KIAA1328: variants seen among roughly 807,000 people sequenced by gnomAD.
KIAA1328 encodes the protein protein hinderin.
KIAA1328 carries 52 observed loss-of-function variants against 68.1 expected under a neutral mutation model. The ratio of observed to expected loss-of-function variants is 0.76; its 90% CI spans 0.61 to 0.96. The LOEUF (loss-of-function observed/expected upper bound fraction) is 0.96, where lower values mean the gene tolerates loss of function less well. KIAA1328 is among the 40% of genes least tolerant of loss of function. KIAA1328 has a pLI of 0.00. For synonymous variants in KIAA1328, 232 were observed against 239.4 expected (o/e 0.97, Z 0.28); for missense variants, 641 against 677.6 (o/e 0.95, Z 0.60).
At chr18:36,863,857 T>C (rs982127751) in intron 4 of KIAA1328, among the ~76,000 whole-genome samples, 1 of 152,236 alleles carries the variant, frequency 6.6e-6, no homozygotes, top group Non-Finnish European at 1.5e-5. Context: ...TCTGTTGATA[T>C]TGACTCCTGC....
intron 4 of KIAA1328, among the ~76,000 whole-genome samples, chr18:36,847,212 A>G (rs1317921552): frequency 1.3e-5 from 2 of 151,486 alleles, no homozygotes; most frequent in African/African-American, 2.4e-5. Context: ...CCTTTTATGA[A>G]TGAAGCTTCC....
intron 6 of KIAA1328, among the ~76,000 whole-genome samples, chr18:36,992,479 T>C (rs1429641782): frequency 1.4e-5 from 2 of 146,758 alleles, no homozygotes; most frequent in Admixed American, 1.3e-4. Context: ...TTTTTTTTGC[T>C]ATATGTGGCC....
chr18:36,930,278 C>T (rs1453785176), intron 5 of KIAA1328, among the ~76,000 whole-genome samples: 1 of 151,986 alleles, frequency 6.6e-6, no homozygotes, highest in African/African-American at 2.4e-5. Context: ...GCATTCTGTC[C>T]TGTCTCTCTC....
intron 7 of KIAA1328, chr18:37,084,469 G>GTTT: frequency 2.6e-5 from 4 of 151,512 alleles, no homozygotes; most frequent in Admixed American, 7.9e-5. Flanking sequence ...TTTCTTTTTT[G>GTTT]TTTTTTGTTT....
At chr18:36,919,524 A>G (rs547742954) in intron 5 of KIAA1328, among the ~76,000 whole-genome samples, 3 of 152,288 alleles carry the variant, frequency 2.0e-5, no homozygotes, top group African/African-American at 7.2e-5. Context: ...TGCGAGGAAC[A>G]TAGAGTGTTG....
Position 37,223,835 on chromosome 18 carries a change from T to C in KIAA1328, c.*1608T>C. ...GCCTTCTTTCACTTGGGGTTTTTTATTCTTTGGAGTAGAAAAGAATGGAGC... is the reference window on the plus strand; with the variant it reads ...GCCTTCTTTCACTTGGGGTTTTTTACTCTTTGGAGTAGAAAAGAATGGAGC... On this transcript the variant is annotated 3_prime_UTR_variant, in exon 10 of 10. Coordinates refer to ENST00000280020, the MANE Select transcript of KIAA1328 (RefSeq NM_020776.3). The C allele has an allele frequency of 2.0e-6, 2 of 985,176 alleles. No homozygotes were observed. The highest frequency in any genetic ancestry group is 2.4e-6 in the Non-Finnish European group (2 of 829,686). 61.0% of individuals were successfully genotyped at this position (985,176 alleles called of 1,614,324 possible). A position where few individuals can be genotyped will look rare whatever the true frequency, so the allele number is the denominator to read the frequency against.
intron 6 of KIAA1328, among the ~76,000 whole-genome samples, chr18:36,982,315 C>G (rs1234820798): frequency 1.3e-5 from 2 of 150,812 alleles, no homozygotes; most frequent in Non-Finnish European, 3.0e-5. Context: ...GAAGATGCAT[C>G]TAAACACATG....
chr18:36,983,154 G>T (rs981192919), intron 6 of KIAA1328, among the ~76,000 whole-genome samples: 1 of 151,850 alleles, frequency 6.6e-6, no homozygotes, highest in African/African-American at 2.4e-5. Context: ...TTTAAGCACC[G>T]CAATTAAAAA....
At chr18:37,152,309 C>A (rs2059053560) in intron 7 of KIAA1328, among the ~76,000 whole-genome samples, 1 of 152,010 alleles carries the variant, frequency 6.6e-6, no homozygotes, top group South Asian at 2.1e-4. Context: ...CTAAAGGTAG[C>A]AAATTGAGTC....
intron 5 of KIAA1328, among the ~76,000 whole-genome samples, chr18:36,920,093 G>A (rs566234835): frequency 2.6e-5 from 4 of 152,110 alleles, no homozygotes; most frequent in Non-Finnish European, 4.4e-5. Flanking sequence ...TTTTGTTGCA[G>A]TTGCTTGTAG....
chr18:37,106,081 A>G (rs1428954253), intron 7 of KIAA1328, among the ~76,000 whole-genome samples: 1 of 152,072 alleles, frequency 6.6e-6, no homozygotes, highest in Non-Finnish European at 1.5e-5. Context: ...TATTCATAGC[A>G]ACACTATTTA....
At chr18:36,889,172 T>A (rs1430800631) in intron 5 of KIAA1328, among the ~76,000 whole-genome samples, 1 of 152,198 alleles carries the variant, frequency 6.6e-6, no homozygotes, top group Admixed American at 6.5e-5. Flanking sequence ...GCAAAGAAAG[T>A]TTATTTCTGG....
At chr18:37,158,387 GCT>G (rs1264825288) in intron 7 of KIAA1328, among the ~76,000 whole-genome samples, 1 of 152,108 alleles carries the variant, frequency 6.6e-6, no homozygotes, top group Non-Finnish European at 1.5e-5. Context: ...GTATTAAAGT[GCT>G]CTTGTCCCCA....
At chr18:37,001,295 A>G (rs555877508) in intron 6 of KIAA1328, among the ~76,000 whole-genome samples, 58 of 152,148 alleles carry the variant, frequency 3.8e-4, no homozygotes, top group Admixed American at 6.5e-4. Context: ...ATTCCTGGAA[A>G]CATACATCCT....
chr18:37,087,318 C>T (rs1010900934), intron 7 of KIAA1328, among the ~76,000 whole-genome samples: 7 of 152,118 alleles, frequency 4.6e-5, no homozygotes, highest in African/African-American at 1.7e-4. Flanking sequence ...CCTCAGCTTC[C>T]CAAAGAGCTG....
chr18:37,029,176 A>G (rs577460449), intron 6 of KIAA1328, among the ~76,000 whole-genome samples: 1 of 150,258 alleles, frequency 6.7e-6, no homozygotes, highest in African/African-American at 2.5e-5. Flanking sequence ...TAGGCTTTTT[A>G]TTAATGATTT....
rs34096013 is a variant in KIAA1328 at position 36,913,543 on chromosome 18, TACACACAC to T, written c.448+27890_448+27897del. Among the ~76,000 whole-genome samples, 42 of 131,498 alleles carry T rather than the reference TACACACAC, an allele frequency of 3.2e-4. 1 individual carries two copies. In the East Asian group the frequency reaches 6.6e-3, roughly 21 times the overall value. The allele number at this position is 131,498 out of a possible 152,430, so 86.3% of individuals were successfully genotyped here. A position where few individuals can be genotyped will look rare whatever the true frequency, so the allele number is the denominator to read the frequency against. On this transcript the variant is annotated intron_variant, in intron 5 of 9. Coordinates refer to ENST00000280020, the MANE Select transcript of KIAA1328 (RefSeq NM_020776.3). ...ACACACTTAGAGGAAAGCAACTGCC[TACACACAC>T]ACACACACACACACACACTACTTAG...
At chr18:36,872,855 T>C (rs2047993632) in intron 4 of KIAA1328, among the ~76,000 whole-genome samples, 1 of 152,190 alleles carries the variant, frequency 6.6e-6, no homozygotes, top group South Asian at 2.1e-4. Flanking sequence ...CCTAATACAT[T>C]ATCACAAAAT....
chr18:36,877,342 G>T (rs555070496), intron 4 of KIAA1328, among the ~76,000 whole-genome samples: 1 of 152,256 alleles, frequency 6.6e-6, no homozygotes, highest in African/African-American at 2.4e-5. Flanking sequence ...CTTGCTTTAT[G>T]AATGTAGGTG....
Sources: allele counts gnomAD v4.1 joint callset (sites outside exome capture counted in the v4.1 genomes callset), GRCh38; gene constraint gnomAD v4.1.1; transcripts MANE v1.5; gene names NCBI Gene and HGNC (gene_info 2026-07-23, HGNC 2026-07-21).